The following ID4 variants were observed in gnomAD, a reference collection of about 807,000 sequenced individuals.
ID4 encodes DNA-binding protein inhibitor ID-4.
ID4 carries 9 observed loss-of-function variants against 8.6 expected under a neutral mutation model. The observed-to-expected ratio is 1.04, with a 90% CI of 0.63 to 1.82. The LOEUF (loss-of-function observed/expected upper bound fraction) is 1.82, where lower values mean the gene tolerates loss of function less well. Ranked by LOEUF, ID4 falls within the 40% of genes most tolerant of loss-of-function variation. The pLI is 0.00. For synonymous variants in ID4, 180 were observed against 118.0 expected (o/e 1.53, Z -3.41); for missense variants, 270 against 235.1 (o/e 1.15, Z -0.97).
intron 1 of ID4, 66 bp from the exon 2 acceptor site, chr6:19,838,518 A>G (rs1425285609): frequency 1.9e-6 from 3 of 1,602,138 alleles, no homozygotes; most frequent in Non-Finnish European, 2.6e-6. Context: ...AGGACAATCC[A>G]GGACCGTGTC....
rs149674651 is a variant in ID4 at position 19,841,907 on chromosome 6, C to A, written c.*2712C>A. The stretch of plus-strand genomic sequence containing the variant: ...TTGTAGACTTTTCATTGTATAGGCA[C>A]AACCAAAGAGTCAGACTGGTTTAAA... On this transcript the variant is annotated 3_prime_UTR_variant, in exon 3 of 3. Coordinates refer to ENST00000378700, the MANE Select transcript of ID4 (RefSeq NM_001546.4). Among the ~76,000 whole-genome samples, 316 of 152,214 alleles carry A rather than the reference C, an allele frequency of 2.1e-3. 1 individual carries two copies. Among genetic ancestry groups the A allele is most frequent in the African/African-American group, 7.3e-3 (304 of 41,548 alleles).
rs151297875 is a variant in ID4, at chr6:19,837,964, C to T, written c.210C>T (p.Asp70=). 30 of 1,569,974 alleles carry T rather than the reference C, an allele frequency of 1.9e-5. No homozygotes were observed. The South Asian group carries it at 2.5e-4, about 13-fold the overall frequency. Reference sequence around the variant, plus strand: ...TGTGCCTGCAGTGCGATATGAACGACTGCTATAGCCGCCTGCGGAGGCTGG... The same window carrying T: ...TGTGCCTGCAGTGCGATATGAACGATTGCTATAGCCGCCTGCGGAGGCTGG... ...PALCLQCDMN[D]CYSRLRRLVP... Residue 70 remains aspartate (D), a synonymous_variant, in exon 1 of 3, where the codon GAC becomes GAT. Coordinates refer to ENST00000378700, the MANE Select transcript of ID4 (RefSeq NM_001546.4).
Position 19,840,300 on chromosome 6 carries a change from T to G in ID4, c.*1105T>G, listed in dbSNP as rs1322328689. The G allele has an allele frequency of 5.2e-5, 8 of 152,608 alleles. No individual in the cohort carries two copies. Among genetic ancestry groups the G allele is most frequent in the Non-Finnish European group, 1.2e-4 (8 of 68,008 alleles). 9.5% of individuals were successfully genotyped at this position (152,608 alleles called of 1,614,324 possible). On this transcript the variant is annotated 3_prime_UTR_variant, in exon 3 of 3. Coordinates refer to ENST00000378700, the MANE Select transcript of ID4 (RefSeq NM_001546.4). Reference sequence around the variant, plus strand: ...ATCAAAGTGAAAAAAAATTGCTTATTACTCTTCATTTTACACTAAAGCTTA... The same window carrying G: ...ATCAAAGTGAAAAAAAATTGCTTATGACTCTTCATTTTACACTAAAGCTTA...
intron 2 of ID4, 95 bp downstream of exon 2, chr6:19,838,737 A>G: frequency 2.8e-6 from 3 of 1,067,926 alleles, no homozygotes; most frequent in Non-Finnish European, 4.2e-6. Context: ...CTTTGCCCCC[A>G]GCGTTTCTGA....
At chr6:19,838,346 C>A (rs1349980828) in intron 1 of ID4, 151 bp downstream of exon 1, 1 of 999,394 alleles carries the variant, frequency 1.0e-6, no homozygotes, top group Non-Finnish European at 1.4e-6. Flanking sequence ...TCCCCCGGGC[C>A]GCCAGCAGCC....
At chr6:19,838,520 G>C in intron 1 of ID4, 64 bp from the exon 2 acceptor site, 1 of 1,604,364 alleles carries the variant, frequency 6.2e-7, no homozygotes. Context: ...GACAATCCAG[G>C]ACCGTGTCGA....
Position 19,837,547 on chromosome 6 carries a change from C to T in ID4, c.-208C>T, listed in dbSNP as rs888762880. The T allele has an allele frequency of 1.7e-5, 4 of 230,810 alleles. No homozygotes were observed. Among genetic ancestry groups the T allele is most frequent in the Non-Finnish European group, 3.2e-5 (4 of 126,598 alleles). The allele number at this position is 230,810 out of a possible 1,614,324, so 14.3% of individuals were successfully genotyped here. On this transcript the variant is annotated 5_prime_UTR_variant, in exon 1 of 3. Transcript: ENST00000378700. The stretch of plus-strand genomic sequence containing the variant: ...GCTTTTTTTTTCCTTTGGGCTCGGG[C>T]TGAGTGTCGCCCACTGAGCAAAGAT...
Position 19,839,198 on chromosome 6 carries a change from C to G in ID4, c.*15-12C>G, listed in dbSNP as rs41271301. On this transcript the variant is annotated splice_polypyrimidine_tract_variant and intron_variant, in intron 2 of 2. Coordinates refer to ENST00000378700, the MANE Select transcript of ID4 (RefSeq NM_001546.4). ...GGTTCACACACCCCCTCTATTCATT[C>G]CTCTTCCACAGGTGTGCGGCCGCCT... is the stretch of plus-strand genomic sequence containing the variant. The G allele has an allele frequency of 9.1e-4, 141 of 154,150 alleles. No homozygotes were observed. The highest frequency in any genetic ancestry group is 2.8e-4 in the Non-Finnish European group (19 of 68,966). The allele number at this position is 154,150 out of a possible 1,614,324, so 9.5% of individuals were successfully genotyped here.
In ID4 at chr6:19,839,295, A is replaced by AG. The variant is rs1380008229; in HGVS notation, c.*102dup. 1.3e-5 allele frequency: 2 copies of AG among 152,732 alleles called. No homozygotes were observed. The highest frequency in any genetic ancestry group is 1.3e-4 in the Admixed American group (2 of 15,296). The allele number at this position is 152,732 out of a possible 1,614,324, so 9.5% of individuals were successfully genotyped here. A position where few individuals can be genotyped will look rare whatever the true frequency, so the allele number is the denominator to read the frequency against. On this transcript the variant is annotated 3_prime_UTR_variant, in exon 3 of 3. Transcript: ENST00000378700. The stretch of plus-strand genomic sequence containing the variant: ...TAGAGAAAAAAAGCCACCGGAGGAA[A>AG]GGAAAAAACATCGGCCAACCTAGAA...
chr6:19,837,839 G>A lies in ID4; in HGVS notation c.85G>A (p.Ala29Thr). The change falls in exon 1 of 3, where the codon GCC (alanine) becomes ACC (threonine). Residue 29 changes from alanine (A) to threonine (T), a missense_variant. Transcript: ENST00000378700. Reference sequence around the variant, plus strand: ...CGGGGAGCTGGCGCTGCGCTGCCTGGCCGAGCACGGCCACAGCCTGGGTGG... The same window carrying A: ...CGGGGAGCTGGCGCTGCGCTGCCTGACCGAGCACGGCCACAGCCTGGGTGG... ...GGGELALRCL[A>T]EHGHSLGGSA... 3.4e-6 allele frequency: 4 copies of A among 1,170,614 alleles called. No homozygotes were observed. The highest frequency in any genetic ancestry group is 3.2e-6 in the Non-Finnish European group (3 of 948,392). 72.5% of individuals were successfully genotyped at this position (1,170,614 alleles called of 1,614,324 possible). A position where few individuals can be genotyped will look rare whatever the true frequency, so the allele number is the denominator to read the frequency against.
chr6:19,840,261 A>G lies in ID4; in HGVS notation c.*1066A>G, dbSNP rs1047033. The G allele has an allele frequency of 0.24, 37,141 of 152,418 alleles. 5,209 individuals carry two copies. The highest frequency in any genetic ancestry group is 0.32 in the Non-Finnish European group (21,614 of 67,888). 9.4% of individuals were successfully genotyped at this position (152,418 alleles called of 1,614,324 possible). A position where few individuals can be genotyped will look rare whatever the true frequency, so the allele number is the denominator to read the frequency against. ...TGCTTGGATCCTTAAGGAGTTTACG[A>G]AATCTGCTGTTTTATCAAAGTGAAA... On this transcript the variant is annotated 3_prime_UTR_variant, in exon 3 of 3. Transcript: ENST00000378700.
In ID4 at chr6:19,837,998, A is replaced by T. The variant is rs1257994050; in HGVS notation, c.244A>T (p.Ile82Phe). 6.2e-7 allele frequency: 1 copy of T among 1,601,282 alleles called. No homozygotes were observed. The highest frequency in any genetic ancestry group is 8.5e-7 in the Non-Finnish European group (1 of 1,173,948). Residue 82 changes from isoleucine to phenylalanine, a missense_variant, in exon 1 of 3, where the codon ATC (isoleucine) becomes TTC (phenylalanine). This residue lies in a region of ID4 where 160 missense variants were observed against 131.5 expected (regional missense o/e 1.22). Transcript: ENST00000378700. Reference protein sequence around the residue: ...YSRLRRLVPTIPPNKKVSKVE... With the variant: ...YSRLRRLVPTFPPNKKVSKVE... ...CCGCCTGCGGAGGCTGGTGCCCACCATCCCGCCCAACAAGAAAGTCAGCAA... is the reference window on the plus strand; with the variant it reads ...CCGCCTGCGGAGGCTGGTGCCCACCTTCCCGCCCAACAAGAAAGTCAGCAA...
chr6:19,837,867 C>T lies in ID4; in HGVS notation c.113C>T (p.Ser38Phe), dbSNP rs1467910723. 2.3e-5 allele frequency: 29 copies of T among 1,269,330 alleles called. No homozygotes were observed. Among genetic ancestry groups the T allele is most frequent in the Non-Finnish European group, 2.8e-5 (28 of 1,007,930 alleles). 78.6% of individuals were successfully genotyped at this position (1,269,330 alleles called of 1,614,324 possible). A position where few individuals can be genotyped will look rare whatever the true frequency, so the allele number is the denominator to read the frequency against. ...GAGCACGGCCACAGCCTGGGTGGCT[C>T]CGCAGCCGCGGCGGCGGCGGCGGCG... Reference protein sequence around the residue: ...LAEHGHSLGGSAAAAAAAAAA... With the variant: ...LAEHGHSLGGFAAAAAAAAAA... The change falls in exon 1 of 3, where the codon TCC becomes TTC. Residue 38 changes from serine (S) to phenylalanine (F), a missense_variant. Physicochemically the swap from Ser to Phe is radical, Grantham distance 155. This residue lies in a region of ID4 where 160 missense variants were observed against 131.5 expected (regional missense o/e 1.22). Coordinates refer to ENST00000378700, the MANE Select transcript of ID4 (RefSeq NM_001546.4).
chr6:19,837,696 T>C lies in ID4; in HGVS notation c.-59T>C. On this transcript the variant is annotated 5_prime_UTR_variant, in exon 1 of 3. Transcript: ENST00000378700. ...CCGGCCGCGGACGGGGCCCGGAGCTTGCCTGCCTCCCTCGCTCGCCCCAGC... is the reference window on the plus strand; with the variant it reads ...CCGGCCGCGGACGGGGCCCGGAGCTCGCCTGCCTCCCTCGCTCGCCCCAGC... The C allele has an allele frequency of 9.4e-7, 1 of 1,061,808 alleles. No homozygotes were observed. The highest frequency in any genetic ancestry group is 1.7e-5 in the African/African-American group (1 of 58,734). The allele number at this position is 1,061,808 out of a possible 1,614,324, so 65.8% of individuals were successfully genotyped here.
Position 19,837,754 on chromosome 6 carries a change from G to A in ID4, c.-1G>A, listed in dbSNP as rs1228127446. The A allele has an allele frequency of 2.7e-6, 3 of 1,125,744 alleles. 1 individual carries two copies. Among genetic ancestry groups the A allele is most frequent in the Non-Finnish European group, 3.3e-6 (3 of 920,386 alleles). The allele number at this position is 1,125,744 out of a possible 1,614,324, so 69.7% of individuals were successfully genotyped here. On this transcript the variant is annotated 5_prime_UTR_variant, in exon 1 of 3. Transcript: ENST00000378700. ...CTCGCGTAGAGCGCAGGGCGCGCGC[G>A]ATGAAGGCGGTGAGCCCGGTGCGCC...
At position 19,838,625 on chromosome 6, in the gene ID4, C is replaced by G; in HGVS notation, c.483C>G (p.Arg161=). 1.9e-6 allele frequency: 3 copies of G among 1,613,924 alleles called. No individual in the cohort carries two copies. The highest frequency in any genetic ancestry group is 2.5e-6 in the Non-Finnish European group (3 of 1,179,896). ...AGCAGGGCGACAGCATTCTGTGCCG[C>G]TGAGCCGCGCTGTCCAGGTGAGCGC... ...VNKQGDSILC[R] is the part of the protein sequence containing the mutation. The change falls in exon 2 of 3, where the codon CGC becomes CGG. Residue 161 remains arginine (R), a synonymous_variant. Coordinates refer to ENST00000378700, the MANE Select transcript of ID4 (RefSeq NM_001546.4).
At chr6:19,838,865 C>T (rs1761293075) in intron 2 of ID4, 4 of 564,402 alleles carry the variant, frequency 7.1e-6, no homozygotes, top group South Asian at 2.1e-5. Context: ...AGCCCTTGTC[C>T]CCGCCGTCCC....
rs145855921 is a variant in ID4 at position 19,837,973 on chromosome 6, C to T, written c.219C>T (p.Ser73=). The change falls in exon 1 of 3, where the codon AGC becomes AGT. Residue 73 remains serine, a synonymous_variant. Transcript: ENST00000378700. ...CLQCDMNDCY[S]RLRRLVPTIP... ...AGTGCGATATGAACGACTGCTATAG[C>T]CGCCTGCGGAGGCTGGTGCCCACCA... 3.5e-5 allele frequency: 56 copies of T among 1,585,814 alleles called. No homozygotes were observed. The highest frequency in any genetic ancestry group is 4.6e-5 in the South Asian group (4 of 87,010).
At position 19,840,776 on chromosome 6, in the gene ID4, TTAGA is replaced by T. The variant is rs551486086; in HGVS notation, c.*1585_*1588del. The T allele has an allele frequency of 6.6e-6, 1 of 152,140 alleles. No individual in the cohort carries two copies. The highest frequency in any genetic ancestry group is 2.4e-5 in the African/African-American group (1 of 41,448). The allele number at this position is 152,140 out of a possible 1,614,324, so 9.4% of individuals were successfully genotyped here. A position where few individuals can be genotyped will look rare whatever the true frequency, so the allele number is the denominator to read the frequency against. On this transcript the variant is annotated 3_prime_UTR_variant, in exon 3 of 3. Transcript: ENST00000378700. ...CTTAAGGAAGGTAATATTTTCTAGGTTAGATAGGACTATCAGGGTTTGTGAACAT... is the reference window on the plus strand; with the variant it reads ...CTTAAGGAAGGTAATATTTTCTAGGTTAGGACTATCAGGGTTTGTGAACAT...
Sources: gnomAD v4.1 joint callset for allele counts (sites outside exome capture counted in the v4.1 genomes callset) on GRCh38, gnomAD v4.1.1 for gene constraint, gnomAD v4.1.1 regional missense constraint, MANE v1.5 for transcripts, NCBI Gene and HGNC (gene_info 2026-07-23, HGNC 2026-07-21) for gene names.